The following DLG2 variants were observed in gnomAD, a reference collection of about 807,000 sequenced individuals.
DLG2 encodes discs large MAGUK scaffold protein 2, also known as disks large homolog 2.
Under a neutral mutation model 132.5 loss-of-function variants are expected in DLG2, and 45 were observed. The observed-to-expected ratio is 0.34, with a 90% CI of 0.27 to 0.44. The LOEUF (loss-of-function observed/expected upper bound fraction) is 0.44. Among genes scored for constraint, DLG2 ranks in the 20% least tolerant of loss-of-function variants. The pLI, the probability that DLG2 is intolerant of heterozygous loss-of-function variation, is 1.00. For synonymous variants in DLG2, 424 were observed against 419.6 expected (o/e 1.01, Z -0.13); for missense variants, 1,045 against 1,196.9 (o/e 0.87, Z 1.87).
intron 6 of DLG2, among the ~76,000 whole-genome samples, chr11:84,975,008 A>C (rs779670796): frequency 2.0e-5 from 3 of 152,200 alleles, no homozygotes; most frequent in Admixed American, 1.3e-4. Context: ...TTGTAACTCA[A>C]TAAGAGTCAG....
At chr11:84,830,634 G>A (rs1226294053) in intron 6 of DLG2, among the ~76,000 whole-genome samples, 2 of 151,482 alleles carry the variant, frequency 1.3e-5, no homozygotes, top group African/African-American at 4.8e-5. Context: ...ACTGGGTCAG[G>A]AGGAAGAAGC....
intron 3 of DLG2, among the ~76,000 whole-genome samples, chr11:85,476,764 A>G (rs1470496441): frequency 1.3e-5 from 2 of 152,108 alleles, no homozygotes; most frequent in Non-Finnish European, 2.9e-5. Context: ...AATAACATAC[A>G]TGGATCTGTT....
intron 11 of DLG2, among the ~76,000 whole-genome samples, chr11:84,030,750 T>G (rs909155010): frequency 6.6e-6 from 1 of 152,112 alleles, no homozygotes; most frequent in Non-Finnish European, 1.5e-5. Context: ...TTCTTCTACC[T>G]GAAAACAGAA....
At chr11:83,882,324 G>T (rs1314257668) in intron 15 of DLG2, among the ~76,000 whole-genome samples, 2 of 152,188 alleles carry the variant, frequency 1.3e-5, no homozygotes, top group Non-Finnish European at 2.9e-5. Flanking sequence ...AAGTGTGGAT[G>T]ACTTATAGAA....
chr11:83,508,869 G>C (rs950840330), intron 21 of DLG2, among the ~76,000 whole-genome samples: 3 of 152,194 alleles, frequency 2.0e-5, no homozygotes, highest in Non-Finnish European at 4.4e-5. Flanking sequence ...TTTTCGGTTT[G>C]GATTCTTCCA....
intron 4 of DLG2, among the ~76,000 whole-genome samples, chr11:85,257,716 T>C (rs980695864): frequency 2.6e-5 from 4 of 152,216 alleles, no homozygotes; most frequent in Non-Finnish European, 5.9e-5. Flanking sequence ...ACTGATGTTA[T>C]CCTATGTAAT....
At chr11:84,828,223 G>C (rs551424217) in intron 6 of DLG2, among the ~76,000 whole-genome samples, 1 of 151,744 alleles carries the variant, frequency 6.6e-6, no homozygotes, top group Non-Finnish European at 1.5e-5. Flanking sequence ...GGTGGGATAG[G>C]CTGGCTTTCA....
At chr11:83,631,345 A>G (rs2063529713) in intron 19 of DLG2, 1 of 151,902 alleles carries the variant, frequency 6.6e-6, no homozygotes, top group African/African-American at 2.4e-5. Flanking sequence ...CTAGGTACAA[A>G]ATAAGTAGTA....
intron 18 of DLG2, among the ~76,000 whole-genome samples, chr11:83,728,579 T>A (rs1195269071): frequency 6.6e-6 from 1 of 152,234 alleles, no homozygotes; most frequent in Non-Finnish European, 1.5e-5. Flanking sequence ...ATGTTTTGGA[T>A]CCTTGCTTGG....
At chr11:83,498,276 C>G (rs2094258239) in intron 21 of DLG2, among the ~76,000 whole-genome samples, 1 of 151,858 alleles carries the variant, frequency 6.6e-6, no homozygotes, top group Admixed American at 6.6e-5. Context: ...CACTATAGTT[C>G]AATAAATAGA....
intron 7 of DLG2, among the ~76,000 whole-genome samples, chr11:84,450,509 C>T (rs148328493): frequency 2.0e-5 from 3 of 150,146 alleles, no homozygotes; most frequent in African/African-American, 7.3e-5. Flanking sequence ...AAACACTGTA[C>T]CCATAATTAG....
At chr11:84,529,805 A>G (rs1000607489) in intron 7 of DLG2, among the ~76,000 whole-genome samples, 1 of 152,204 alleles carries the variant, frequency 6.6e-6, no homozygotes. Flanking sequence ...TAAAATTCAC[A>G]TAGAACCAAA....
In DLG2 at chr11:85,219,956, A is replaced by C. The variant is rs370500426; in HGVS notation, c.186+65264T>G. ...GTCACTGCCTTATTTATGAAACCGA[A>C]ACTTCCCACAAGAAATTACAACTGC... On this transcript the variant is annotated intron_variant, in intron 4 of 27. Transcript: ENST00000376104. 2.0e-5 allele frequency among the ~76,000 whole-genome samples: 3 copies of C among 151,726 alleles called. No homozygotes were observed. In the South Asian group the frequency reaches 6.3e-4, roughly 32 times the overall value.
At chr11:84,810,615 C>T (rs1193440355) in intron 6 of DLG2, among the ~76,000 whole-genome samples, 2 of 152,026 alleles carry the variant, frequency 1.3e-5, no homozygotes, top group Non-Finnish European at 2.9e-5. Context: ...AACAAATAAC[C>T]TAGTAGTTAA....
intron 21 of DLG2, among the ~76,000 whole-genome samples, chr11:83,502,453 T>C (rs1454454908): frequency 1.4e-5 from 2 of 144,482 alleles, no homozygotes; most frequent in Non-Finnish European, 3.1e-5. Context: ...TTATACCTTA[T>C]TTCTAAAATA....
intron 11 of DLG2, among the ~76,000 whole-genome samples, chr11:84,025,216 G>C (rs1391684816): frequency 6.6e-6 from 1 of 152,004 alleles, no homozygotes; most frequent in East Asian, 1.9e-4. Context: ...TACATGGCTG[G>C]GGAGGCCTCA....
intron 11 of DLG2, among the ~76,000 whole-genome samples, chr11:84,002,772 T>G (rs2094415314): frequency 6.6e-6 from 1 of 152,168 alleles, no homozygotes; most frequent in Admixed American, 6.5e-5. Flanking sequence ...TGGAGACATT[T>G]TTCCCATTGT....
intron 4 of DLG2, among the ~76,000 whole-genome samples, chr11:85,273,567 A>C (rs945542081): frequency 1.3e-5 from 2 of 152,336 alleles, no homozygotes; most frequent in African/African-American, 4.8e-5. Context: ...ACCATCTCAC[A>C]CCAGTTAGAT....
chr11:84,317,768 A>G (rs890818497), intron 7 of DLG2, among the ~76,000 whole-genome samples: 21 of 152,208 alleles, frequency 1.4e-4, no homozygotes, highest in African/African-American at 5.1e-4. Context: ...AAGTAACTAT[A>G]TAAGATCATC....
Sources: allele counts gnomAD v4.1 joint callset (sites outside exome capture counted in the v4.1 genomes callset), GRCh38; gene constraint gnomAD v4.1.1; transcripts MANE v1.5; gene names NCBI Gene and HGNC (gene_info 2026-07-23, HGNC 2026-07-21).